The following STX7 variants were observed in gnomAD, a reference collection of about 807,000 sequenced individuals.
STX7 encodes the protein syntaxin 7, also known as syntaxin-7.
A neutral mutation model predicts 39.6 loss-of-function variants in STX7; 34 were observed. That is an observed-to-expected ratio of 0.86 (90% CI 0.65 to 1.14). The LOEUF (loss-of-function observed/expected upper bound fraction) is 1.14, where lower values mean the gene tolerates loss of function less well. Among genes scored for constraint, STX7 ranks in the 50% most tolerant of loss-of-function variants. The pLI, the probability that STX7 is intolerant of heterozygous loss-of-function variation, is 0.00. For missense variants in STX7, 284 were observed against 310.4 expected (o/e 0.92, Z 0.64); for synonymous variants, 119 against 99.1 (o/e 1.20, Z -1.19).
In STX7 at chr6:132,503,448, C is replaced by T. The variant is rs756340040; in HGVS notation, c.83G>A (p.Cys28Tyr). 7 of 1,613,768 alleles carry T rather than the reference C, an allele frequency of 4.3e-6. No individual in the cohort carries two copies. In the East Asian group the frequency reaches 8.9e-5, roughly 21 times the overall value. The part of the protein sequence containing the change: ...ISSNIQKITQ[C>Y]SVEIQRTLNQ... ...AGTCCATTTAAAACTCAACTCACAA[C>T]ACTGTGTGATCTTCTGGATGTTAGA... The change falls in exon 2 of 10, where the codon TGT (cysteine) becomes TAT (tyrosine). Residue 28 changes from cysteine to tyrosine, a missense_variant and splice_region_variant. By Grantham distance (194) the Cys-to-Tyr change is radical (BLOSUM62 -2). Transcript: ENST00000367941.
At chr6:132,461,267 T>A (rs1774388970) in intron 9 of STX7, among the ~76,000 whole-genome samples, 1 of 152,138 alleles carries the variant, frequency 6.6e-6, no homozygotes, top group South Asian at 2.1e-4. Context: ...TCTCTGAAGA[T>A]ATCAGTAAGT....
intron 2 of STX7, among the ~76,000 whole-genome samples, chr6:132,491,449 G>A (rs540213558): frequency 8.5e-5 from 13 of 152,250 alleles, no homozygotes; most frequent in Middle Eastern, 3.4e-3. Context: ...ACAGACAGAC[G>A]CAGAACACAT....
At chr6:132,461,808 T>C (rs758398285) in intron 9 of STX7, 13 of 1,525,000 alleles carry the variant, frequency 8.5e-6, no homozygotes, top group South Asian at 6.3e-5. Context: ...GGTTCAGTTG[T>C]AGATTTCTTT....
At chr6:132,495,040 C>T (rs1024700065) in intron 2 of STX7, among the ~76,000 whole-genome samples, 13 of 152,110 alleles carry the variant, frequency 8.5e-5, no homozygotes, top group Non-Finnish European at 1.3e-4. Context: ...AGTGAAGACA[C>T]CCATTACTAT....
chr6:132,499,251 G>A (rs993593891), intron 2 of STX7, among the ~76,000 whole-genome samples: 2 of 152,194 alleles, frequency 1.3e-5, no homozygotes, highest in Non-Finnish European at 2.9e-5. Context: ...AGCAGAGTCT[G>A]CTAGTTGCCT....
chr6:132,460,906 G>A, intron 9 of STX7, 56 bp from the exon 10 acceptor site: 1 of 1,437,862 alleles, frequency 7.0e-7, no homozygotes. Context: ...ATTTAGTGGA[G>A]TACCTCTACA....
chr6:132,464,143 A>C, intron 8 of STX7, 68 bp from the exon 9 acceptor site: 6 of 1,397,910 alleles, frequency 4.3e-6, no homozygotes, highest in Non-Finnish European at 6.1e-6. Flanking sequence ...CAAATCACTA[A>C]ATTTCATTCA....
At chr6:132,467,752 T>C (rs1190850827) in intron 8 of STX7, among the ~76,000 whole-genome samples, 1 of 152,188 alleles carries the variant, frequency 6.6e-6, no homozygotes, top group African/African-American at 2.4e-5. Flanking sequence ...GAAAATATAC[T>C]AAAAGCATCT....
At chr6:132,474,227 CAAAAAAAAA>C (rs67939950) in intron 3 of STX7, among the ~76,000 whole-genome samples, 14 of 69,924 alleles carry the variant, frequency 2.0e-4, no homozygotes, top group Non-Finnish European at 3.1e-4. Context: ...GATCCTGTCT[CAAAAAAAAA>C]AAAAAAAAAA....
intron 9 of STX7, chr6:132,461,889 A>G: frequency 6.5e-7 from 1 of 1,528,508 alleles, no homozygotes; most frequent in Non-Finnish European, 8.8e-7. Flanking sequence ...TTGTAAATTT[A>G]CTTTGTGTCA....
intron 3 of STX7, 132 bp downstream of exon 3, chr6:132,475,461 G>A (rs1774849924): frequency 9.7e-6 from 5 of 515,342 alleles, no homozygotes; most frequent in Non-Finnish European, 1.6e-5. Context: ...GTATGGATAA[G>A]GTAGCAGAAA....
At chr6:132,490,302 A>G (rs1582670744) in intron 2 of STX7, among the ~76,000 whole-genome samples, 1 of 152,180 alleles carries the variant, frequency 6.6e-6, no homozygotes, top group Non-Finnish European at 1.5e-5. Flanking sequence ...GTTCCCCTCT[A>G]GTTTACAGGC....
At chr6:132,461,831 A>T (rs1225967204) in intron 9 of STX7, 13 of 1,541,148 alleles carry the variant, frequency 8.4e-6, no homozygotes, top group Non-Finnish European at 1.1e-5. Flanking sequence ...TGGCGTTTGT[A>T]CCTCACATCA....
intron 2 of STX7, among the ~76,000 whole-genome samples, chr6:132,497,295 G>A (rs1775441266): frequency 6.6e-6 from 1 of 152,066 alleles, no homozygotes; most frequent in African/African-American, 2.4e-5. Flanking sequence ...CAAACATAAT[G>A]AAAGAAGCCC....
intron 2 of STX7, among the ~76,000 whole-genome samples, chr6:132,495,343 A>G (rs1405621457): frequency 6.6e-6 from 1 of 152,210 alleles, no homozygotes; most frequent in Non-Finnish European, 1.5e-5. Context: ...CTTAGGCATG[A>G]AGAAAATCAC....
chr6:132,502,989 G>A (rs1468975212), intron 2 of STX7, among the ~76,000 whole-genome samples: 1 of 151,762 alleles, frequency 6.6e-6, no homozygotes, highest in African/African-American at 2.4e-5. Flanking sequence ...AGTTCCTCTT[G>A]CTCCTTAATA....
chr6:132,467,825 A>T (rs982531495), intron 8 of STX7, among the ~76,000 whole-genome samples: 1 of 152,230 alleles, frequency 6.6e-6, no homozygotes, highest in Admixed American at 6.5e-5. Context: ...AATGTTAACA[A>T]CTACACCCTA....
rs1774007211 is a variant in STX7, at chr6:132,446,148, A to G, written c.*14610T>C. ...AACCTCTCTTTACAAGGTTATGCTT[A>G]TTAGCTGGGATTCGAAGCTCAATAG... On this transcript the variant is annotated 3_prime_UTR_variant, in exon 10 of 10. Coordinates refer to ENST00000367941, the MANE Select transcript of STX7 (RefSeq NM_003569.3). 2 of 152,336 alleles carry G rather than the reference A, an allele frequency of 1.3e-5. No homozygotes were observed. The highest frequency in any genetic ancestry group is 6.5e-5 in the Admixed American group (1 of 15,284). 9.4% of individuals were successfully genotyped at this position (152,336 alleles called of 1,614,324 possible).
At chr6:132,487,903 T>TTTTTCTTC (rs1775179106) in intron 2 of STX7, among the ~76,000 whole-genome samples, 1 of 152,176 alleles carries the variant, frequency 6.6e-6, no homozygotes, top group Non-Finnish European at 1.5e-5. Flanking sequence ...CCCTTCGATT[T>TTTTTCTTC]CCACTATGAT....
Sources: gnomAD v4.1 joint callset for allele counts (sites outside exome capture counted in the v4.1 genomes callset) on GRCh38, gnomAD v4.1.1 for gene constraint, MANE v1.5 for transcripts, NCBI Gene and HGNC (gene_info 2026-07-23, HGNC 2026-07-21) for gene names.